CDH8: variants seen among roughly 807,000 people sequenced by gnomAD.
The protein encoded by CDH8 is cadherin 8.
CDH8 carries 17 observed loss-of-function variants against 68.1 expected under a neutral mutation model. The observed-to-expected ratio is 0.25, with a 90% CI of 0.17 to 0.37. CDH8 has a LOEUF of 0.37. Ranked by LOEUF, CDH8 falls within the 10% of genes least tolerant of loss-of-function variation. The probability of loss-of-function intolerance (pLI) is 1.00; values close to 1 mark genes in which losing one functional copy is unlikely to be tolerated. For synonymous variants in CDH8, 372 were observed against 365.1 expected, an observed-to-expected ratio of 1.02 and a Z score of -0.21; for missense variants, 763 against 999.3, an observed-to-expected ratio of 0.76 and a Z score of 3.19.
At chr16:61,939,818 G>T (rs372990228) in intron 2 of CDH8, among the ~76,000 whole-genome samples, 7 of 152,134 alleles carry the variant, frequency 4.6e-5, no homozygotes, top group Admixed American at 4.6e-4. Context: ...TGTCACTAAC[G>T]GACTATCTGC....
intron 10 of CDH8, among the ~76,000 whole-genome samples, chr16:61,696,028 A>G (rs1163896047): frequency 6.6e-6 from 1 of 152,194 alleles, no homozygotes; most frequent in African/African-American, 2.4e-5. Context: ...CTTACATTAT[A>G]CTATGTCACA....
intron 9 of CDH8, among the ~76,000 whole-genome samples, chr16:61,721,274 A>T (rs1451227095): frequency 1.3e-5 from 2 of 150,982 alleles, no homozygotes; most frequent in Non-Finnish European, 3.0e-5. Flanking sequence ...CCCAAAATAA[A>T]GTGAAAGTAG....
At chr16:61,680,343 T>C (rs1317948776) in intron 10 of CDH8, among the ~76,000 whole-genome samples, 3 of 151,920 alleles carry the variant, frequency 2.0e-5, no homozygotes, top group African/African-American at 7.2e-5. Flanking sequence ...TGATTGATGG[T>C]AGTAGGTGGT....
In CDH8 at chr16:61,653,838, A is replaced by G; in HGVS notation, c.2170T>C (p.Phe724Leu). ...PVPNGVDVDEFINVRLHEADN... is the reference protein window; with the variant it reads ...PVPNGVDVDELINVRLHEADN... ...GCCTCATGCAGCCTTACATTTATAA[A>G]TTCATCGACATCAACACCATTTGGA... is the stretch of plus-strand genomic sequence containing the variant. The change falls in exon 12 of 12, where the codon TTT becomes CTT. Residue 724 changes from phenylalanine to leucine, a missense_variant. This residue lies in a region of CDH8 where 397 missense variants were observed against 436.2 expected (regional missense o/e 0.91). Coordinates refer to ENST00000577390, the MANE Select transcript of CDH8 (RefSeq NM_001796.5). The G allele has an allele frequency of 6.2e-7, 1 of 1,614,218 alleles. No homozygotes were observed. Among genetic ancestry groups the G allele is most frequent in the Non-Finnish European group, 8.5e-7 (1 of 1,180,046 alleles).
At chr16:61,743,062 CTG>C (rs1372007116) in intron 8 of CDH8, 1 of 152,070 alleles carries the variant, frequency 6.6e-6, no homozygotes, top group Admixed American at 6.6e-5. Flanking sequence ...TCAGTTCATG[CTG>C]TGTTTATGCT....
intron 2 of CDH8, among the ~76,000 whole-genome samples, chr16:62,004,964 G>A (rs1262030616): frequency 2.6e-5 from 4 of 152,148 alleles, no homozygotes; most frequent in South Asian, 2.1e-4. Flanking sequence ...AGAGGATTTT[G>A]TATTTACAAA....
At chr16:61,683,235 C>T (rs1386052354) in intron 10 of CDH8, among the ~76,000 whole-genome samples, 1 of 151,734 alleles carries the variant, frequency 6.6e-6, no homozygotes, top group Non-Finnish European at 1.5e-5. Context: ...TGAGTATTAC[C>T]TTAACTGAAA....
intron 3 of CDH8, among the ~76,000 whole-genome samples, chr16:61,879,167 C>T (rs1447872761): frequency 1.3e-5 from 2 of 152,106 alleles, no homozygotes; most frequent in South Asian, 2.1e-4. Flanking sequence ...CCATTATGCT[C>T]TTACCTCTGA....
intron 10 of CDH8, among the ~76,000 whole-genome samples, chr16:61,710,545 ATGGT>A (rs1964611932): frequency 6.6e-6 from 1 of 152,094 alleles, no homozygotes; most frequent in Admixed American, 6.6e-5. Flanking sequence ...ATCAGGTACT[ATGGT>A]TCTCCTGCTG....
At chr16:61,961,250 G>C (rs1965149362) in intron 2 of CDH8, among the ~76,000 whole-genome samples, 1 of 152,070 alleles carries the variant, frequency 6.6e-6, no homozygotes, top group Non-Finnish European at 1.5e-5. Context: ...GGGAGGCAGA[G>C]GTTGCAGTGA....
intron 4 of CDH8, among the ~76,000 whole-genome samples, chr16:61,843,560 C>T (rs1296352722): frequency 6.6e-5 from 10 of 152,174 alleles, no homozygotes; most frequent in African/African-American, 2.4e-4. Flanking sequence ...CAGAACTTTA[C>T]ATACCAAGTT....
chr16:61,710,153 A>G (rs1316160576), intron 10 of CDH8, among the ~76,000 whole-genome samples: 1 of 152,116 alleles, frequency 6.6e-6, no homozygotes, highest in East Asian at 1.9e-4. Flanking sequence ...TCTAAGTCCT[A>G]GTTCACACAT....
chr16:61,734,258 G>A (rs368772150), intron 8 of CDH8, among the ~76,000 whole-genome samples: 7 of 152,046 alleles, frequency 4.6e-5, no homozygotes, highest in Non-Finnish European at 7.4e-5. Flanking sequence ...ATTCGCAGTT[G>A]GAGTTGAGGT....
intron 10 of CDH8, among the ~76,000 whole-genome samples, chr16:61,711,984 T>A (rs1964639366): frequency 6.6e-6 from 1 of 151,706 alleles, no homozygotes; most frequent in African/African-American, 2.4e-5. Flanking sequence ...ATAACTGACA[T>A]CTTTAAAAAA....
At chr16:61,659,898 G>C (rs1320839288) in intron 10 of CDH8, among the ~76,000 whole-genome samples, 1 of 152,214 alleles carries the variant, frequency 6.6e-6, no homozygotes, top group East Asian at 1.9e-4. Context: ...TGAATGGACT[G>C]GTCTGTAGAG....
chr16:61,788,647 A>C (rs568499841), intron 8 of CDH8, among the ~76,000 whole-genome samples: 5 of 152,108 alleles, frequency 3.3e-5, no homozygotes, highest in African/African-American at 1.2e-4. Flanking sequence ...TATTGTTTAG[A>C]GACTCCATTA....
At chr16:61,765,233 G>A (rs1960559043) in intron 8 of CDH8, among the ~76,000 whole-genome samples, 1 of 151,888 alleles carries the variant, frequency 6.6e-6, no homozygotes, top group Non-Finnish European at 1.5e-5. Flanking sequence ...ACTTATCTGA[G>A]AAACTATGCA....
intron 3 of CDH8, among the ~76,000 whole-genome samples, chr16:61,877,029 A>T (rs1454805469): frequency 6.6e-6 from 1 of 152,166 alleles, no homozygotes; most frequent in Non-Finnish European, 1.5e-5. Context: ...ATCTCATGCA[A>T]ACTTTAAGAA....
At chr16:61,946,981 A>G (rs1405974220) in intron 2 of CDH8, among the ~76,000 whole-genome samples, 2 of 152,208 alleles carry the variant, frequency 1.3e-5, no homozygotes, top group Non-Finnish European at 2.9e-5. Context: ...TGTGGTAACT[A>G]AGATTGGCAA....
Sources: allele counts gnomAD v4.1 joint callset (sites outside exome capture counted in the v4.1 genomes callset), GRCh38; gene constraint gnomAD v4.1.1; regional missense constraint gnomAD v4.1.1; transcripts MANE v1.5; gene names NCBI Gene and HGNC (gene_info 2026-07-23, HGNC 2026-07-21).